FHIT: variants seen among roughly 807,000 people sequenced by gnomAD.
FHIT encodes the protein fragile histidine triad diadenosine triphosphatase.
Under a neutral mutation model 17.9 loss-of-function variants are expected in FHIT, and 19 were observed. That is an observed-to-expected ratio of 1.06 (90% CI 0.74 to 1.56). FHIT has a LOEUF of 1.56. Among genes scored for constraint, FHIT ranks in the 40% most tolerant of loss-of-function variants. FHIT has a pLI of 0.00. For synonymous variants in FHIT, 81 were observed against 69.7 expected (o/e 1.16, Z -0.81); for missense variants, 248 against 189.2 (o/e 1.31, Z -1.82).
At chr3:61,075,294 G>A (rs1254964003) in intron 2 of FHIT, among the ~76,000 whole-genome samples, 1 of 152,106 alleles carries the variant, frequency 6.6e-6, no homozygotes, top group Non-Finnish European at 1.5e-5. Flanking sequence ...CAAGAAGAGG[G>A]TGGTGGCAGG....
In FHIT at chr3:59,748,669, G is replaced by A. The variant is rs939006509; in HGVS notation, c.*916C>T. ...GGGGAGATGGGACAGGGAGAAGGAA[G>A]TGGCTAGAGAGGTGAGCTCTTTTAG... On this transcript the variant is annotated 3_prime_UTR_variant, in exon 10 of 10. Coordinates refer to ENST00000492590, the MANE Select transcript of FHIT (RefSeq NM_002012.4). 2.0e-5 allele frequency among the ~76,000 whole-genome samples: 3 copies of A among 152,118 alleles called. No homozygotes were observed. Among genetic ancestry groups the A allele is most frequent in the African/African-American group, 4.8e-5 (2 of 41,434 alleles).
At chr3:60,421,934 C>T (rs539042308) in intron 5 of FHIT, among the ~76,000 whole-genome samples, 84 of 152,188 alleles carry the variant, frequency 5.5e-4, no homozygotes, top group Admixed American at 9.8e-4. Context: ...TGGCAAGGCG[C>T]TATCAGCCTG....
Position 59,897,867 on chromosome 3 carries a change from C to T in FHIT, c.348+24479G>A, listed in dbSNP as rs557554793. Among the ~76,000 whole-genome samples, 9 of 151,786 alleles carry T rather than the reference C, an allele frequency of 5.9e-5. No homozygotes were observed. The South Asian group carries it at 6.3e-4, about 11-fold the overall frequency. On this transcript the variant is annotated intron_variant, in intron 8 of 9. Transcript: ENST00000492590. The stretch of plus-strand genomic sequence containing the variant: ...CTGCAAGCTCCGCCTCCCGGGTTCA[C>T]GCCATTCTCCTGCCTCAGCCTCCCG...
At chr3:60,727,742 G>A (rs575630997) in intron 4 of FHIT, among the ~76,000 whole-genome samples, 12 of 152,318 alleles carry the variant, frequency 7.9e-5, no homozygotes, top group African/African-American at 1.9e-4. Flanking sequence ...TGTGGCTCAC[G>A]CCTGTGATCC....
chr3:60,937,540 C>CT (rs35814395), intron 3 of FHIT, among the ~76,000 whole-genome samples: 12,144 of 141,598 alleles, frequency 0.086, 1,744 homozygotes, highest in African/African-American at 0.3. Flanking sequence ...TGGTCTACTG[C>CT]TTTTTTTTTC....
chr3:60,532,596 A>G (rs182987404), intron 5 of FHIT, among the ~76,000 whole-genome samples: 3 of 152,356 alleles, frequency 2.0e-5, no homozygotes, highest in African/African-American at 7.2e-5. Flanking sequence ...CAAGAAATTA[A>G]TGGATTAAAG....
At chr3:60,568,713 T>C (rs978369807) in intron 4 of FHIT, among the ~76,000 whole-genome samples, 1 of 152,168 alleles carries the variant, frequency 6.6e-6, no homozygotes, top group Non-Finnish European at 1.5e-5. Flanking sequence ...CCACTGGAAC[T>C]CAACCTTTAG....
chr3:60,766,056 CT>C (rs1174152924), intron 4 of FHIT, among the ~76,000 whole-genome samples: 1 of 152,162 alleles, frequency 6.6e-6, no homozygotes, highest in African/African-American at 2.4e-5. Flanking sequence ...TTCTCTCTCT[CT>C]CAATTTGCAG....
At chr3:59,994,429 C>A (rs1699418526) in intron 7 of FHIT, among the ~76,000 whole-genome samples, 1 of 152,020 alleles carries the variant, frequency 6.6e-6, no homozygotes, top group South Asian at 2.1e-4. Flanking sequence ...ACCATTTCTG[C>A]CAAAGAACTC....
chr3:60,411,846 G>C (rs1484853913), intron 5 of FHIT, among the ~76,000 whole-genome samples: 1 of 152,076 alleles, frequency 6.6e-6, no homozygotes, highest in East Asian at 1.9e-4. Context: ...ATATCTAGTA[G>C]AAACAATTCC....
chr3:60,527,960 A>T (rs1376836562), intron 5 of FHIT, among the ~76,000 whole-genome samples: 4 of 152,228 alleles, frequency 2.6e-5, no homozygotes, highest in Non-Finnish European at 5.9e-5. Flanking sequence ...CAAACCACTC[A>T]TAGGCCAATG....
At chr3:60,207,429 T>A (rs1221491724) in intron 5 of FHIT, among the ~76,000 whole-genome samples, 1 of 152,038 alleles carries the variant, frequency 6.6e-6, no homozygotes, top group South Asian at 2.1e-4. Flanking sequence ...TCTATATGGG[T>A]CACTTTTCTT....
At chr3:59,992,727 C>CAG (rs1421240258) in intron 7 of FHIT, among the ~76,000 whole-genome samples, 18 of 152,014 alleles carry the variant, frequency 1.2e-4, no homozygotes, top group African/African-American at 4.1e-4. Context: ...AGAAGTAAGG[C>CAG]AGAGGATACA....
intron 8 of FHIT, among the ~76,000 whole-genome samples, chr3:59,813,678 T>C (rs1011893922): frequency 6.6e-6 from 1 of 152,164 alleles, no homozygotes; most frequent in African/African-American, 2.4e-5. Flanking sequence ...GATATTCTTA[T>C]TTATTAGGAT....
chr3:60,106,090 G>C (rs1276159867), intron 5 of FHIT, among the ~76,000 whole-genome samples: 1 of 152,146 alleles, frequency 6.6e-6, no homozygotes, highest in Admixed American at 6.5e-5. Flanking sequence ...CCTTTGTCCA[G>C]CATATTCTGG....
intron 8 of FHIT, among the ~76,000 whole-genome samples, chr3:59,843,149 C>T (rs1457191505): frequency 2.0e-5 from 3 of 152,096 alleles, no homozygotes; most frequent in Admixed American, 6.6e-5. Context: ...GTTTTCCTAG[C>T]GGCATTTATT....
chr3:60,556,934 G>A (rs2036761246), intron 4 of FHIT, among the ~76,000 whole-genome samples: 1 of 152,172 alleles, frequency 6.6e-6, no homozygotes, highest in African/African-American at 2.4e-5. Flanking sequence ...AGGACTTGGA[G>A]GTCAACGTTT....
At chr3:60,693,884 GCTAC>G (rs1559644931) in intron 4 of FHIT, among the ~76,000 whole-genome samples, 1 of 152,162 alleles carries the variant, frequency 6.6e-6, no homozygotes, top group Non-Finnish European at 1.5e-5. Flanking sequence ...TAGCTCTTTA[GCTAC>G]ACCAGCACTG....
intron 5 of FHIT, among the ~76,000 whole-genome samples, chr3:60,044,632 A>G (rs932137088): frequency 6.6e-6 from 1 of 152,184 alleles, no homozygotes; most frequent in African/African-American, 2.4e-5. Context: ...AAAACTCAAG[A>G]GCTCATATGA....
Sources: gnomAD v4.1 joint callset for allele counts (sites outside exome capture counted in the v4.1 genomes callset) on GRCh38, gnomAD v4.1.1 for gene constraint, MANE v1.5 for transcripts, NCBI Gene and HGNC (gene_info 2026-07-23, HGNC 2026-07-21) for gene names.